UNC5C: variants seen among roughly 807,000 people sequenced by gnomAD.
UNC5C encodes netrin receptor UNC5C.
Under a neutral mutation model 99.8 loss-of-function variants are expected in UNC5C, and 47 were observed. The ratio of observed to expected loss-of-function variants is 0.47; its 90% confidence interval spans 0.37 to 0.60. The LOEUF (loss-of-function observed/expected upper bound fraction) is 0.60. Among genes scored for constraint, UNC5C ranks in the 20% least tolerant of loss-of-function variants. The pLI is 0.00. For synonymous variants in UNC5C, 487 were observed against 452.2 expected (o/e 1.08, Z -0.98); for missense variants, 1,062 against 1,165.9 (o/e 0.91, Z 1.30).
intron 2 of UNC5C, among the ~76,000 whole-genome samples, chr4:95,311,254 T>TA (rs1371533747): frequency 6.6e-6 from 1 of 152,182 alleles, no homozygotes; most frequent in African/African-American, 2.4e-5. Context: ...ATGCTTTCTG[T>TA]AATTAACTTA....
intron 2 of UNC5C, among the ~76,000 whole-genome samples, chr4:95,325,051 C>T (rs1009358745): frequency 5.3e-5 from 8 of 152,118 alleles, no homozygotes; most frequent in African/African-American, 1.9e-4. Context: ...ACTTATAAGA[C>T]ACTGGTGGTT....
chr4:95,206,003 C>CTT (rs70946599), intron 11 of UNC5C, among the ~76,000 whole-genome samples: 5 of 142,990 alleles, frequency 3.5e-5, no homozygotes, highest in Admixed American at 7.0e-5. Context: ...TATACATATA[C>CTT]TTTTTTTTTT....
chr4:95,404,939 C>T (rs898358936), intron 1 of UNC5C, among the ~76,000 whole-genome samples: 5 of 152,102 alleles, frequency 3.3e-5, no homozygotes, highest in Non-Finnish European at 7.4e-5. Context: ...AGGAGTTTAG[C>T]CAGTGGGAGG....
chr4:95,268,059 T>C (rs553547631), intron 4 of UNC5C, among the ~76,000 whole-genome samples: 31 of 150,014 alleles, frequency 2.1e-4, no homozygotes, highest in African/African-American at 3.4e-4. Context: ...ACGCCATTCT[T>C]CTGCCTCAGC....
chr4:95,286,870 AT>A (rs1169302628), intron 3 of UNC5C, among the ~76,000 whole-genome samples: 3 of 151,718 alleles, frequency 2.0e-5, no homozygotes, highest in Non-Finnish European at 4.4e-5. Flanking sequence ...GTTTTATGAG[AT>A]TTTTTTTTCT....
intron 14 of UNC5C, among the ~76,000 whole-genome samples, chr4:95,182,606 C>A (rs1407600166): frequency 6.6e-6 from 1 of 152,062 alleles, no homozygotes; most frequent in Non-Finnish European, 1.5e-5. Context: ...TAAATTAAAC[C>A]TTTACTTGAA....
At chr4:95,216,032 A>G (rs763262005) in intron 10 of UNC5C, 92 bp downstream of exon 10, 9 of 1,105,234 alleles carry the variant, frequency 8.1e-6, no homozygotes, top group Admixed American at 2.3e-5. Flanking sequence ...GGCACTTGAG[A>G]CAAAAATATG....
At chr4:95,282,375 A>T (rs1462570767) in intron 3 of UNC5C, among the ~76,000 whole-genome samples, 2 of 152,148 alleles carry the variant, frequency 1.3e-5, no homozygotes, top group African/African-American at 4.8e-5. Context: ...AGTTGTGATG[A>T]GGAGTGGCCA....
At chr4:95,462,103 G>A (rs938831139) in intron 1 of UNC5C, among the ~76,000 whole-genome samples, 4 of 151,820 alleles carry the variant, frequency 2.6e-5, no homozygotes, top group African/African-American at 4.8e-5. Flanking sequence ...AAATATAACC[G>A]CGTTCAAGAA....
At chr4:95,222,938 G>T (rs1392118337) in intron 7 of UNC5C, among the ~76,000 whole-genome samples, 1 of 152,160 alleles carries the variant, frequency 6.6e-6, no homozygotes, top group African/African-American at 2.4e-5. Flanking sequence ...AATCAATAGG[G>T]CCTAGAGGTT....
rs1275834553 is a variant in UNC5C at position 95,548,936 on chromosome 4, C to T, written c.-79G>A. The T allele has an allele frequency of 6.4e-7, 1 of 1,559,118 alleles. No homozygotes were observed. Among genetic ancestry groups the T allele is most frequent in the East Asian group, 2.3e-5 (1 of 44,120 alleles). On this transcript the variant is annotated 5_prime_UTR_variant, in exon 1 of 16. Coordinates refer to ENST00000453304, the MANE Select transcript of UNC5C (RefSeq NM_003728.4). ...AGCTGAAAGCCCCACTGGGCAGAAGCTGAATCCGTGCACCGCGAAGCAGTC... is the reference window on the plus strand; with the variant it reads ...AGCTGAAAGCCCCACTGGGCAGAAGTTGAATCCGTGCACCGCGAAGCAGTC...
chr4:95,365,386 AAAATTT>A (rs1057062904), intron 1 of UNC5C, among the ~76,000 whole-genome samples: 15 of 147,972 alleles, frequency 1.0e-4, no homozygotes, highest in Non-Finnish European at 1.9e-4. Context: ...ATATAATACA[AAAATTT>A]AATATAATAT....
chr4:95,302,704 A>G (rs1355979878), intron 2 of UNC5C, among the ~76,000 whole-genome samples: 1 of 152,230 alleles, frequency 6.6e-6, no homozygotes, highest in African/African-American at 2.4e-5. Context: ...GTATAGTAAG[A>G]ATGATTAAAT....
intron 1 of UNC5C, among the ~76,000 whole-genome samples, chr4:95,356,224 A>ACAAAAC (rs1335774101): frequency 1.6e-5 from 2 of 127,500 alleles, no homozygotes; most frequent in Admixed American, 7.9e-5. Context: ...AAAACAAAAA[A>ACAAAAC]AAAACAGATT....
chr4:95,424,518 C>CTTTTTTTTTTTTTTTTTTTTTGTTTTTT (rs1746413762), intron 1 of UNC5C, among the ~76,000 whole-genome samples: 1 of 67,952 alleles, frequency 1.5e-5, no homozygotes, highest in Non-Finnish European at 2.7e-5. Context: ...TTTTTCTTTT[C>CTTTTTTTTTTTTTTTTTTTTTGTTTTTT]TTTTTTTTTT....
chr4:95,443,629 T>C (rs973929617), intron 1 of UNC5C, among the ~76,000 whole-genome samples: 5 of 152,224 alleles, frequency 3.3e-5, no homozygotes, highest in African/African-American at 1.2e-4. Context: ...AATGTTTTCC[T>C]TTTATTATTT....
chr4:95,248,656 T>C (rs1427533353), intron 5 of UNC5C: 1 of 438,860 alleles, frequency 2.3e-6, no homozygotes, highest in African/African-American at 2.0e-5. Context: ...AGTGGCATAT[T>C]TTGGGGTGAC....
At chr4:95,475,193 G>T (rs541427751) in intron 1 of UNC5C, among the ~76,000 whole-genome samples, 32 of 152,000 alleles carry the variant, frequency 2.1e-4, no homozygotes, top group Non-Finnish European at 4.3e-4. Flanking sequence ...TTAAATTAAG[G>T]GGTGTCTTTA....
intron 11 of UNC5C, 115 bp downstream of exon 11, chr4:95,206,513 G>A: frequency 6.9e-7 from 1 of 1,454,092 alleles, no homozygotes; most frequent in Admixed American, 1.9e-5. Context: ...CATTTTGAGG[G>A]TGAGCTAAAA....
Sources: gnomAD v4.1 joint callset for allele counts (sites outside exome capture counted in the v4.1 genomes callset) on GRCh38, gnomAD v4.1.1 for gene constraint, MANE v1.5 for transcripts, NCBI Gene and HGNC (gene_info 2026-07-23, HGNC 2026-07-21) for gene names.